PRRX2: variants seen among roughly 807,000 people sequenced by gnomAD.
PRRX2 encodes paired related homeobox 2.
In PRRX2, 11 loss-of-function variants were observed where a neutral mutation model predicts 18.0. That is an observed-to-expected ratio of 0.61 (90% CI 0.39 to 1.01). The LOEUF (loss-of-function observed/expected upper bound fraction) is 1.01, where lower values mean the gene tolerates loss of function less well. Ranked by LOEUF, PRRX2 falls within the 50% of genes least tolerant of loss-of-function variation. PRRX2 has a pLI of 0.01. For synonymous variants in PRRX2, 177 were observed against 154.8 expected (o/e 1.14, Z -1.06); for missense variants, 387 against 351.0 (o/e 1.10, Z -0.82).
intron 1 of PRRX2, among the ~76,000 whole-genome samples, chr9:129,672,263 C>T (rs923026289): frequency 6.6e-6 from 1 of 152,218 alleles, no homozygotes; most frequent in South Asian, 2.1e-4. Flanking sequence ...TGAAGGAAGG[C>T]GTGAGGGGAC....
chr9:129,666,539 T>G (rs930548504), intron 1 of PRRX2, among the ~76,000 whole-genome samples: 1 of 150,998 alleles, frequency 6.6e-6, no homozygotes, highest in African/African-American at 2.5e-5. Flanking sequence ...CGGTCTTAAG[T>G]TGGGCTCTTT....
intron 1 of PRRX2, among the ~76,000 whole-genome samples, chr9:129,689,723 G>T (rs77023579): frequency 0.067 from 10,177 of 151,274 alleles, 400 homozygotes; most frequent in African/African-American, 0.099. Context: ...ACTCTCCGGG[G>T]TGGGGGCGGG....
chr9:129,680,881 A>G (rs1469127156), intron 1 of PRRX2, among the ~76,000 whole-genome samples: 3 of 152,250 alleles, frequency 2.0e-5, no homozygotes, highest in African/African-American at 7.2e-5. Flanking sequence ...ACAAATGGTA[A>G]CCATATATAA....
intron 1 of PRRX2, among the ~76,000 whole-genome samples, chr9:129,680,410 AAAAAAAG>A (rs1273525416): frequency 4.0e-5 from 6 of 148,414 alleles, no homozygotes; most frequent in African/African-American, 1.0e-4. Context: ...CAAAAAAAAA[AAAAAAAG>A]AAAAGAAAAG....
intron 1 of PRRX2, among the ~76,000 whole-genome samples, chr9:129,716,919 G>A (rs1030422095): frequency 1.3e-5 from 2 of 152,070 alleles, no homozygotes; most frequent in African/African-American, 2.4e-5. Context: ...AAAAACAATC[G>A]CAATAAAGAT....
intron 1 of PRRX2, among the ~76,000 whole-genome samples, chr9:129,696,906 C>G (rs573218352): frequency 6.6e-6 from 1 of 152,232 alleles, no homozygotes; most frequent in African/African-American, 2.4e-5. Context: ...GCAGCGCGGA[C>G]CCCCCTGGGG....
At chr9:129,716,764 T>G (rs557615617) in intron 1 of PRRX2, among the ~76,000 whole-genome samples, 1 of 152,088 alleles carries the variant, frequency 6.6e-6, no homozygotes, top group African/African-American at 2.4e-5. Flanking sequence ...CGCTATGCTT[T>G]CTTTTGATAG....
chr9:129,679,827 G>A (rs979477692), intron 1 of PRRX2, among the ~76,000 whole-genome samples: 3 of 152,206 alleles, frequency 2.0e-5, no homozygotes, highest in Admixed American at 1.3e-4. Context: ...TGTAGAGCCA[G>A]CTCCAGAGAG....
intron 1 of PRRX2, among the ~76,000 whole-genome samples, chr9:129,717,687 C>T (rs1832727494): frequency 8.1e-6 from 1 of 122,794 alleles, no homozygotes; most frequent in East Asian, 2.3e-4. Flanking sequence ...CAGAACAAGA[C>T]TCCGCCTCAA....
rs1214411928 is a variant in PRRX2 at position 129,675,516 on chromosome 9, T to C, written c.259+9390T>C. ...CCTCCTGCCCCCCTGCTACCCTCCCTCCCCCATGGGGTCCCCTCAAAGGGC... is the reference window on the plus strand; with the variant it reads ...CCTCCTGCCCCCCTGCTACCCTCCCCCCCCCATGGGGTCCCCTCAAAGGGC... On this transcript the variant is annotated intron_variant, in intron 1 of 3. Transcript: ENST00000372469. This position sits in a 1 kb window ranked among gnomAD's most constrained non-coding sequence, Gnocchi z 4.4. Among the ~76,000 whole-genome samples, 10 of 142,758 alleles carry C rather than the reference T, an allele frequency of 7.0e-5. No homozygotes were observed. Among genetic ancestry groups the C allele is most frequent in the Non-Finnish European group, 1.6e-4 (10 of 64,274 alleles). The allele number at this position is 142,758 out of a possible 152,430, so 93.7% of individuals were successfully genotyped here.
intron 1 of PRRX2, among the ~76,000 whole-genome samples, chr9:129,700,403 A>G (rs993582971): frequency 2.6e-5 from 4 of 151,218 alleles, no homozygotes; most frequent in East Asian, 1.9e-4. Context: ...CAGTGGCGCA[A>G]TCTCGGCTCT....
chr9:129,675,172 AG>A lies in PRRX2; in HGVS notation c.259+9051del, dbSNP rs1313786970. Among the ~76,000 whole-genome samples the A allele has an allele frequency of 1.3e-5, 2 of 152,090 alleles. No individual in the cohort carries two copies. The highest frequency in any genetic ancestry group is 2.9e-5 in the Non-Finnish European group (2 of 67,982). On this transcript the variant is annotated intron_variant, in intron 1 of 3. Transcript: ENST00000372469. The surrounding 1 kb of genome is among the most constrained non-coding windows in gnomAD (Gnocchi z 4.4). ...GAAGTGTCCAGTATACAGGAGAGGG[AG>A]GGGGCTGCGCTGAGGCTAAGCCCCA...
rs751649295 is a variant in PRRX2, at chr9:129,720,737, C to G, written c.589C>G (p.Pro197Ala). The G allele has an allele frequency of 1.2e-6, 2 of 1,610,772 alleles. No individual in the cohort carries two copies. The highest frequency in any genetic ancestry group is 2.7e-5 in the African/African-American group (2 of 74,894). ...PVAPRPTALS[P>A]DYLSWTASSP... ...GGCTCCCCGGCCCACCGCCCTGAGT[C>G]CAGATTATCTCTCCTGGACAGCCTC... The change falls in exon 3 of 4, where the codon CCA (proline) becomes GCA (alanine). Residue 197 changes from proline (P) to alanine (A), a missense_variant. Transcript: ENST00000372469.
chr9:129,719,269 C>A lies in PRRX2; in HGVS notation c.298C>A (p.Arg100=). 6.2e-7 allele frequency: 1 copy of A among 1,607,526 alleles called. No homozygotes were observed. The highest frequency in any genetic ancestry group is 8.5e-7 in the Non-Finnish European group (1 of 1,177,408). ...CCCGGGGCGCGGTAGCGCCGCCAAGCGGAAGAAGAAGCAGCGGCGGAACCG... is the reference window on the plus strand; with the variant it reads ...CCCGGGGCGCGGTAGCGCCGCCAAGAGGAAGAAGAAGCAGCGGCGGAACCG... ...PSPGRGSAAK[R]KKKQRRNRTT... The change falls in exon 2 of 4, where the codon CGG becomes AGG. Residue 100 remains arginine, a synonymous_variant. Coordinates refer to ENST00000372469, the MANE Select transcript of PRRX2 (RefSeq NM_016307.4).
At chr9:129,685,922 C>T (rs1832295195) in intron 1 of PRRX2, among the ~76,000 whole-genome samples, 1 of 152,114 alleles carries the variant, frequency 6.6e-6, no homozygotes, top group Non-Finnish European at 1.5e-5. Context: ...GGCTGGGAGA[C>T]GTGGCCAGAC....
intron 1 of PRRX2, among the ~76,000 whole-genome samples, chr9:129,718,401 C>T (rs2130936167): frequency 6.6e-6 from 1 of 152,318 alleles, no homozygotes; most frequent in South Asian, 2.1e-4. Flanking sequence ...TGACCCACCC[C>T]ACGGCCCCAC....
Position 129,680,324 on chromosome 9 carries a change from C to A in PRRX2, c.259+14198C>A, listed in dbSNP as rs186820037. Among the ~76,000 whole-genome samples, 176 of 149,606 alleles carry A rather than the reference C, an allele frequency of 1.2e-3. 1 individual carries two copies. Among genetic ancestry groups the A allele is most frequent in the African/African-American group, 3.7e-3 (150 of 40,268 alleles). On this transcript the variant is annotated intron_variant, in intron 1 of 3. Transcript: ENST00000372469. ...GCTGACACAGGAGAATCGCTTGAAC[C>A]TGGGAGGCGGAGGTTGCAGTGCGCT...
intron 1 of PRRX2, among the ~76,000 whole-genome samples, chr9:129,686,458 C>T (rs148681167): frequency 2.6e-4 from 40 of 152,282 alleles, no homozygotes; most frequent in African/African-American, 9.1e-4. Context: ...GTGATCCTTC[C>T]GCCTCAGCCT....
At position 129,719,363 on chromosome 9, in the gene PRRX2, C is replaced by G; in HGVS notation, c.392C>G (p.Ala131Gly). ...RVFERTHYPD[A>G]FVREELARRV... ...TTCGAGCGCACGCACTACCCCGACG[C>G]CTTTGTGCGCGAGGAGCTTGCCCGG... Residue 131 changes from alanine (A) to glycine (G), a missense_variant, in exon 2 of 4, where the codon GCC becomes GGC. Transcript: ENST00000372469. The G allele has an allele frequency of 6.4e-7, 1 of 1,571,944 alleles. No individual in the cohort carries two copies. The highest frequency in any genetic ancestry group is 8.6e-7 in the Non-Finnish European group (1 of 1,159,688).
Sources: gnomAD v4.1 joint callset for allele counts (sites outside exome capture counted in the v4.1 genomes callset) on GRCh38, gnomAD v4.1.1 for gene constraint, Gnocchi (gnomAD v3.1) non-coding constraint, MANE v1.5 for transcripts, NCBI Gene and HGNC (gene_info 2026-07-23, HGNC 2026-07-21) for gene names.